The following DYNC2I2 variants were observed in gnomAD, a reference collection of about 807,000 sequenced individuals.
The protein encoded by DYNC2I2 is dynein 2 intermediate chain 2.
DYNC2I2 carries 39 observed loss-of-function variants against 52.0 expected under a neutral mutation model. That is an observed-to-expected ratio of 0.75 (90% confidence interval 0.58 to 0.98). The LOEUF (loss-of-function observed/expected upper bound fraction) is 0.98, where lower values mean the gene tolerates loss of function less well. Ranked by LOEUF, DYNC2I2 falls within the 50% of genes least tolerant of loss-of-function variation. DYNC2I2 has a pLI of 0.00. For missense variants in DYNC2I2, 743 were observed against 728.4 expected (o/e 1.02, Z -0.23); for synonymous variants, 359 against 321.1 (o/e 1.12, Z -1.26).
chr9:128,652,623 C>CAAA lies in DYNC2I2; in HGVS notation c.186+3915_186+3917dup, dbSNP rs71381784. ...GGGCAACAAGAATGAAATTCCGTCT[C>CAAA]AAAAAAAAAAAAGAGGCCGGGCACA... On this transcript the variant is annotated intron_variant, in intron 1 of 8. Coordinates refer to ENST00000372715, the MANE Select transcript of DYNC2I2 (RefSeq NM_052844.4). Among the ~76,000 whole-genome samples the CAAA allele has an allele frequency of 3.9e-4, 55 of 140,496 alleles. No individual in the cohort carries two copies. In the East Asian group the frequency reaches 9.3e-3, roughly 24 times the overall value. 92.2% of individuals were successfully genotyped at this position (140,496 alleles called of 152,430 possible). A position where few individuals can be genotyped will look rare whatever the true frequency, so the allele number is the denominator to read the frequency against.
At chr9:128,680,642 G>A in the DYNC2I2 span, among the ~76,000 whole-genome samples, 2 of 151,782 alleles carry the variant, frequency 1.3e-5, no homozygotes, top group African/African-American at 4.8e-5. Flanking sequence ...CTCCCAAAGT[G>A]CTGGGATTAC....
the DYNC2I2 span, among the ~76,000 whole-genome samples, chr9:128,678,317 C>T: frequency 1.3e-5 from 2 of 151,738 alleles, no homozygotes; most frequent in Admixed American, 6.6e-5. Context: ...ATCTGCCCAC[C>T]TCGGCATCCC....
At chr9:128,659,449 C>G (rs1406011188), upstream of DYNC2I2, among the ~76,000 whole-genome samples, 1 of 148,030 alleles carries the variant, frequency 6.8e-6, no homozygotes, top group East Asian at 2.0e-4. Flanking sequence ...GAGCAGAGAT[C>G]GCACCACTGC....
At chr9:128,681,925 T>C in the DYNC2I2 span, among the ~76,000 whole-genome samples, 238 of 152,268 alleles carry the variant, frequency 1.6e-3, 1 homozygote, top group Middle Eastern at 6.8e-3. Context: ...ATACAAAAAT[T>C]AGTCACGCCT....
the DYNC2I2 span, among the ~76,000 whole-genome samples, chr9:128,674,214 C>T: frequency 6.6e-6 from 1 of 151,974 alleles, no homozygotes; most frequent in South Asian, 2.1e-4. Context: ...CGGCTCACTG[C>T]AAGCTCCAAC....
intron 1 of DYNC2I2, among the ~76,000 whole-genome samples, chr9:128,646,285 G>A (rs770733787): frequency 2.0e-5 from 3 of 152,182 alleles, no homozygotes; most frequent in Non-Finnish European, 4.4e-5. Flanking sequence ...GTGTGATCTC[G>A]ACAACCTGTG....
intron 1 of DYNC2I2, among the ~76,000 whole-genome samples, chr9:128,652,550 G>C (rs764301775): frequency 4.0e-5 from 6 of 150,586 alleles, no homozygotes; most frequent in Non-Finnish European, 8.8e-5. Context: ...TTGAACCCGG[G>C]AGGTGTAGGT....
At chr9:128,660,617 G>C (rs10988074), upstream of DYNC2I2, among the ~76,000 whole-genome samples, 3 of 151,934 alleles carry the variant, frequency 2.0e-5, no homozygotes, top group African/African-American at 7.3e-5. Context: ...GGATGGTCTC[G>C]AGTTCCTGAC....
chr9:128,660,562 AT>A (rs1228452811), upstream of DYNC2I2, among the ~76,000 whole-genome samples: 1 of 148,658 alleles, frequency 6.7e-6, no homozygotes, highest in African/African-American at 2.5e-5. Context: ...CGCTCAACTA[AT>A]TTTTTGTATG....
chr9:128,666,094 G>A, the DYNC2I2 span, among the ~76,000 whole-genome samples: 1 of 151,682 alleles, frequency 6.6e-6, no homozygotes, highest in Non-Finnish European at 1.5e-5. Flanking sequence ...GAAAAAAAAT[G>A]TGTTGGATCA....
At chr9:128,639,894 A>G (rs1011790748) in intron 2 of DYNC2I2, among the ~76,000 whole-genome samples, 4 of 152,020 alleles carry the variant, frequency 2.6e-5, no homozygotes, top group Non-Finnish European at 5.9e-5. Context: ...TCGAACTGCC[A>G]ACCTCAGGTG....
At chr9:128,659,403 G>C (rs550028415), upstream of DYNC2I2, among the ~76,000 whole-genome samples, 1 of 151,360 alleles carries the variant, frequency 6.6e-6, no homozygotes, top group Non-Finnish European at 1.5e-5. Flanking sequence ...GCTGAGCCAG[G>C]AGAATGGCAT....
chr9:128,656,847 C>A lies in DYNC2I2; in HGVS notation c.-121G>T. The A allele has an allele frequency of 1.0e-6, 1 of 1,004,110 alleles. No homozygotes were observed. Among genetic ancestry groups the A allele is most frequent in the Non-Finnish European group, 1.3e-6 (1 of 751,050 alleles). 62.2% of individuals were successfully genotyped at this position (1,004,110 alleles called of 1,614,324 possible). On this transcript the variant is annotated 5_prime_UTR_variant, in exon 1 of 9. Coordinates refer to ENST00000372715, the MANE Select transcript of DYNC2I2 (RefSeq NM_052844.4). ...GCCATGTTTGAATTGGTCGCAGCGC[C>A]TCCTGCAAGACCTGGAAGAAAGAAA...
upstream of DYNC2I2, among the ~76,000 whole-genome samples, chr9:128,660,587 G>A (rs987905926): frequency 6.7e-6 from 1 of 150,124 alleles, no homozygotes; most frequent in African/African-American, 2.5e-5. Context: ...AGTAGAGACA[G>A]GCTTTCACCA....
intron 1 of DYNC2I2, among the ~76,000 whole-genome samples, chr9:128,647,990 A>C (rs1202138288): frequency 6.6e-6 from 1 of 152,074 alleles, no homozygotes; most frequent in African/African-American, 2.4e-5. Flanking sequence ...AAGGAAACTG[A>C]GGCCCAGAAA....
At chr9:128,683,073 C>A in the DYNC2I2 span, among the ~76,000 whole-genome samples, 1 of 151,498 alleles carries the variant, frequency 6.6e-6, no homozygotes, top group Non-Finnish European at 1.5e-5. Flanking sequence ...CGGCTCACTG[C>A]AACCTCCACC....
At chr9:128,683,880 G>A in the DYNC2I2 span, 1 of 1,545,184 alleles carries the variant, frequency 6.5e-7, no homozygotes, top group South Asian at 1.2e-5. Flanking sequence ...TCTGGTTCTG[G>A]GACTTCCCTA....
At chr9:128,667,562 G>A in the DYNC2I2 span, among the ~76,000 whole-genome samples, 3 of 149,082 alleles carry the variant, frequency 2.0e-5, no homozygotes, top group South Asian at 2.1e-4. Context: ...TGATCCGCCC[G>A]CCTCGTCCTG....
At chr9:128,677,557 G>T in the DYNC2I2 span, among the ~76,000 whole-genome samples, 3 of 151,828 alleles carry the variant, frequency 2.0e-5, no homozygotes, top group Non-Finnish European at 4.4e-5. Flanking sequence ...AGCACTTTGC[G>T]TCGGCTGAGG....
Sources: gnomAD v4.1 joint callset for allele counts (sites outside exome capture counted in the v4.1 genomes callset) on GRCh38, gnomAD v4.1.1 for gene constraint, MANE v1.5 for transcripts, NCBI Gene and HGNC (gene_info 2026-07-23, HGNC 2026-07-21) for gene names.